Variants in ATM observed in about 807,000 individuals in gnomAD.
The protein encoded by ATM is ATM serine/threonine kinase.
Under a neutral mutation model 387.0 loss-of-function variants are expected in ATM, and 308 were observed. The observed-to-expected ratio is 0.80, with a 90% confidence interval of 0.73 to 0.87. The LOEUF (loss-of-function observed/expected upper bound fraction) is 0.87. Ranked by LOEUF, ATM falls within the 40% of genes least tolerant of loss-of-function variation. The probability of loss-of-function intolerance (pLI) is 0.00; values close to 1 mark genes in which losing one functional copy is unlikely to be tolerated. For missense variants in ATM, 3,312 were observed against 3,560.9 expected (o/e 0.93, Z 1.78); for synonymous variants, 1,156 against 1,187.3 (o/e 0.97, Z 0.54).
rs1565447611 is a variant in ATM, at chr11:108,284,390, A to G, written c.3910A>G (p.Arg1304Gly). The change falls in exon 26 of 63, where the codon AGA (arginine) becomes GGA (glycine). Residue 1304 changes from arginine (R) to glycine (G), a missense_variant. By Grantham distance (125) the Arg-to-Gly change is moderately radical. Coordinates refer to ENST00000675843, the MANE Select transcript of ATM (RefSeq NM_000051.4). Reference protein sequence around the residue: ...ILPYFAYEGTRDSGMAQQRET... With the variant: ...ILPYFAYEGTGDSGMAQQRET... ...TCCTTATTTTGCCTATGAGGGTACC[A>G]GAGACAGTGGGATGGCACAGCAAAG... 6.2e-7 allele frequency: 1 copy of G among 1,614,008 alleles called. No individual in the cohort carries two copies. Among genetic ancestry groups the G allele is most frequent in the Non-Finnish European group, 8.5e-7 (1 of 1,179,946 alleles).
chr11:108,258,071 A>G (rs1442704928), intron 15 of ATM, among the ~76,000 whole-genome samples: 1 of 151,804 alleles, frequency 6.6e-6, no homozygotes, highest in Non-Finnish European at 1.5e-5. Context: ...TGATTTTTGT[A>G]TTTTTGTAAT....
chr11:108,330,481 T>C (rs1324115378), intron 50 of ATM, 60 bp downstream of exon 50: 71 of 1,535,546 alleles, frequency 4.6e-5, no homozygotes, highest in Non-Finnish European at 5.1e-5. Flanking sequence ...CATAAGCCCC[T>C]TGATGTCAGG....
chr11:108,299,270 T>TA (rs771625574), intron 33 of ATM, among the ~76,000 whole-genome samples: 17 of 151,980 alleles, frequency 1.1e-4, no homozygotes, highest in Non-Finnish European at 1.8e-4. Flanking sequence ...ATTTGTGTGA[T>TA]ACCTCAACAA....
chr11:108,316,945 A>C (rs2084716065), intron 42 of ATM, among the ~76,000 whole-genome samples: 1 of 151,334 alleles, frequency 6.6e-6, no homozygotes, highest in South Asian at 2.1e-4. Context: ...TAAATAAATA[A>C]ATTTTAGAGA....
At chr11:108,256,539 T>A (rs528201198) in intron 14 of ATM, among the ~76,000 whole-genome samples, 199 bp downstream of exon 14, 2 of 152,206 alleles carry the variant, frequency 1.3e-5, no homozygotes, top group Middle Eastern at 3.2e-3. Context: ...TTATTATACT[T>A]TAAGTTCTGG....
intron 33 of ATM, among the ~76,000 whole-genome samples, chr11:108,299,147 C>G (rs965127641): frequency 6.6e-6 from 1 of 152,034 alleles, no homozygotes; most frequent in Non-Finnish European, 1.5e-5. Context: ...ACGAAGAGCC[C>G]TCTGGGTTGC....
intron 1 of ATM, chr11:108,226,140 TTTTTC>T (rs2078725181): frequency 1.3e-5 from 2 of 152,192 alleles, no homozygotes; most frequent in Admixed American, 6.5e-5. Flanking sequence ...TGTTTCTTTT[TTTTTC>T]TTTTCTATTT....
intron 18 of ATM, among the ~76,000 whole-genome samples, 160 bp from the exon 19 acceptor site, chr11:108,270,904 C>T (rs1402655496): frequency 1.3e-5 from 2 of 152,096 alleles, no homozygotes; most frequent in Non-Finnish European, 2.9e-5. Flanking sequence ...CCATATTGGC[C>T]AGGCTGTTCT....
In ATM at chr11:108,267,333, A is replaced by T. The variant is rs2081313542; in HGVS notation, c.2629A>T (p.Ser877Cys). Residue 877 changes from serine to cysteine, a missense_variant, in exon 17 of 63, where the codon AGT becomes TGT. Physicochemically the swap from Ser to Cys is moderately radical, Grantham distance 112. Around this residue, in one of 4 missense-constraint regions of ATM, gnomAD observed 1,791 missense variants for 1,804.5 expected, o/e 0.99. Coordinates refer to ENST00000675843, the MANE Select transcript of ATM (RefSeq NM_000051.4). ...SDANEPGESQSTIGAINPLAE... is the reference protein window; with the variant it reads ...SDANEPGESQCTIGAINPLAE... The stretch of plus-strand genomic sequence containing the variant: ...TGCAAACGAACCTGGAGAGAGCCAA[A>T]GTACCATAGGTAAATACATATTTAC... 6.2e-7 allele frequency: 1 copy of T among 1,613,986 alleles called. No homozygotes were observed. Among genetic ancestry groups the T allele is most frequent in the South Asian group, 1.1e-5 (1 of 91,076 alleles).
intron 16 of ATM, among the ~76,000 whole-genome samples, chr11:108,261,842 G>A (rs1454944342): frequency 6.6e-6 from 1 of 152,150 alleles, no homozygotes; most frequent in African/African-American, 2.4e-5. Context: ...GAATGCAGAA[G>A]CCTCAGGAGC....
Position 108,343,417 on chromosome 11 carries a change from G to C in ATM, c.8418+46G>C, listed in dbSNP as rs369998670. 13 of 1,601,386 alleles carry C rather than the reference G, an allele frequency of 8.1e-6. No homozygotes were observed. The African/African-American group carries it at 1.7e-4, about 21-fold the overall frequency. ...AAGGTTATTGTAAGATTATTTAATG[G>C]CTTATTAAAGCTGACAGCTGTCAGA... On this transcript the variant is annotated intron_variant, in intron 57 of 62. Coordinates refer to ENST00000675843, the MANE Select transcript of ATM (RefSeq NM_000051.4).
intron 16 of ATM, among the ~76,000 whole-genome samples, chr11:108,260,953 G>A (rs983347769): frequency 4.6e-5 from 7 of 152,340 alleles, no homozygotes; most frequent in East Asian, 1.9e-4. Flanking sequence ...GGCGCACCAC[G>A]AGATTATATC....
intron 61 of ATM, among the ~76,000 whole-genome samples, chr11:108,361,517 T>G (rs966905083): frequency 3.1e-4 from 47 of 152,108 alleles, no homozygotes; most frequent in African/African-American, 1.1e-3. Flanking sequence ...AGAACAAAGC[T>G]GGAGGCATCA....
At chr11:108,360,223 AC>A (rs1292547833) in intron 61 of ATM, among the ~76,000 whole-genome samples, 2 of 150,624 alleles carry the variant, frequency 1.3e-5, no homozygotes, top group Non-Finnish European at 3.0e-5. Context: ...CTCGACACAT[AC>A]ACTCTCCCAA....
chr11:108,335,667 A>T (rs1342543068), intron 55 of ATM, among the ~76,000 whole-genome samples, 178 bp from the exon 56 acceptor site: 1 of 152,118 alleles, frequency 6.6e-6, no homozygotes, highest in African/African-American at 2.4e-5. Context: ...AATCAGTGTA[A>T]ATGTTGTAGC....
At chr11:108,307,557 T>A (rs2135969826) in intron 37 of ATM, among the ~76,000 whole-genome samples, 1 of 152,352 alleles carries the variant, frequency 6.6e-6, no homozygotes, top group East Asian at 1.9e-4. Flanking sequence ...TGTGTTGTAA[T>A]GTCCCAGGCT....
rs1370917523 is a variant in ATM, at chr11:108,229,339, A to C, written c.331+16A>C. The C allele has an allele frequency of 1.2e-6, 2 of 1,608,786 alleles. No homozygotes were observed. Among genetic ancestry groups the C allele is most frequent in the Non-Finnish European group, 1.7e-6 (2 of 1,176,592 alleles). On this transcript the variant is annotated intron_variant, in intron 4 of 62. Transcript: ENST00000675843. ...GCAAACAGAAGTAAGTGATGTTATA[A>C]ATTATAAATAAATGGCTTAACAGAT...
At chr11:108,324,986 A>T (rs1388895148) in intron 45 of ATM, among the ~76,000 whole-genome samples, 2 of 152,114 alleles carry the variant, frequency 1.3e-5, no homozygotes, top group Admixed American at 1.3e-4. Context: ...ATTCTTTATG[A>T]TAGGTCTGAT....
chr11:108,335,526 C>T (rs866903935), intron 55 of ATM, among the ~76,000 whole-genome samples: 16 of 152,158 alleles, frequency 1.1e-4, no homozygotes, highest in Non-Finnish European at 1.3e-4. Flanking sequence ...CATTTGCTGA[C>T]GAGCTCTTTG....
Sources: allele counts gnomAD v4.1 joint callset (sites outside exome capture counted in the v4.1 genomes callset), GRCh38; gene constraint gnomAD v4.1.1; regional missense constraint gnomAD v4.1.1; transcripts MANE v1.5; gene names NCBI Gene and HGNC (gene_info 2026-07-23, HGNC 2026-07-21).